Variants in MS4A6A observed in about 807,000 individuals in gnomAD.
The protein encoded by MS4A6A is membrane-spanning 4-domains subfamily A member 6A.
In MS4A6A, 19 loss-of-function variants were observed where a neutral mutation model predicts 20.6. The ratio of observed to expected loss-of-function variants is 0.92; its 90% CI spans 0.64 to 1.36. MS4A6A has a LOEUF of 1.36. MS4A6A is among the 40% of genes most tolerant of loss of function. The pLI is 0.00. For missense variants in MS4A6A, 272 were observed against 261.1 expected, an observed-to-expected ratio of 1.04 and a Z score of -0.29; for synonymous variants, 108 against 105.0, an observed-to-expected ratio of 1.03 and a Z score of -0.17.
chr11:60,181,130 A>G, intron 2 of MS4A6A: 1 of 440,192 alleles, frequency 2.3e-6, no homozygotes, highest in East Asian at 7.0e-5. Flanking sequence ...CAAAAGGTGA[A>G]TATCATTTCC....
chr11:60,171,782 G>T (rs566773591), downstream of MS4A6A, among the ~76,000 whole-genome samples: 1 of 152,248 alleles, frequency 6.6e-6, no homozygotes, highest in South Asian at 2.1e-4. Context: ...CAATTAAGGG[G>T]TACAATAAAA....
rs374502941 is a variant in MS4A6A, at chr11:60,173,000, G to A, written c.*1C>T. On this transcript the variant is annotated 3_prime_UTR_variant, in exon 6 of 6. Transcript: ENST00000528851. ...GCAGGGATAAGATACACTAGGCAAG[G>A]TTAAGTGAAGCCGGCCAGCACACTC... 75 of 1,613,964 alleles carry A rather than the reference G, an allele frequency of 4.6e-5. No homozygotes were observed. Among genetic ancestry groups the A allele is most frequent in the South Asian group, 4.4e-4 (40 of 91,084 alleles).
intron 2 of MS4A6A, chr11:60,181,273 C>T (rs561687635): frequency 2.4e-6 from 1 of 422,142 alleles, no homozygotes; most frequent in African/African-American, 2.0e-5. Context: ...TACACATACA[C>T]ACAATATGTC....
chr11:60,179,369 C>A, intron 3 of MS4A6A: 1 of 326,502 alleles, frequency 3.1e-6, no homozygotes, highest in South Asian at 3.9e-5. Context: ...TCAGTCAATG[C>A]AGTAAAAGTA....
upstream of MS4A6A, chr11:60,183,623 G>C (rs1425965266): frequency 1.3e-5 from 2 of 152,638 alleles, no homozygotes; most frequent in Non-Finnish European, 2.9e-5. Context: ...TATATATATA[G>C]TTTGTTTGTT....
In MS4A6A at chr11:60,172,929, G is replaced by C. The variant is rs527768680; in HGVS notation, c.*72C>G. On this transcript the variant is annotated 3_prime_UTR_variant, in exon 6 of 6. Transcript: ENST00000528851. Reference sequence around the variant, plus strand: ...GCCCTCCCATGTGTATCTCATGACTGACTGATTGTTCCTTCTACCACTCTT... The same window carrying C: ...GCCCTCCCATGTGTATCTCATGACTCACTGATTGTTCCTTCTACCACTCTT... 135 of 1,599,712 alleles carry C rather than the reference G, an allele frequency of 8.4e-5. No individual in the cohort carries two copies. The African/African-American group carries it at 1.7e-3, about 20-fold the overall frequency.
chr11:60,180,164 T>A, intron 2 of MS4A6A, 199 bp from the exon 3 acceptor site: 2 of 604,490 alleles, frequency 3.3e-6, no homozygotes, highest in Non-Finnish European at 5.7e-6. Context: ...AGCCACAGTC[T>A]CAGGTGTCTG....
chr11:60,176,124 C>T (rs1299959711), intron 4 of MS4A6A, among the ~76,000 whole-genome samples: 1 of 152,168 alleles, frequency 6.6e-6, no homozygotes, highest in Non-Finnish European at 1.5e-5. Context: ...CTCTCGCCTG[C>T]CCATTGCTTC....
At chr11:60,178,908 T>C in intron 3 of MS4A6A, 1 of 391,738 alleles carries the variant, frequency 2.6e-6, no homozygotes, top group Non-Finnish European at 4.9e-6. Flanking sequence ...TACCCAAAAC[T>C]ATCAAAGTTC....
rs780314709 is a variant in MS4A6A, at chr11:60,173,023, C to T, written c.656G>A (p.Ser219Asn). ...KQAYSDFPGVSVLAGFT is the reference protein window; with the variant it reads ...KQAYSDFPGVNVLAGFT ...AGGTTAAGTGAAGCCGGCCAGCACACTCACCCCAGGGAAGTCAGAGTAAGC... is the reference window on the plus strand; with the variant it reads ...AGGTTAAGTGAAGCCGGCCAGCACATTCACCCCAGGGAAGTCAGAGTAAGC... The change falls in exon 6 of 6, where the codon AGT (serine) becomes AAT (asparagine). Residue 219 changes from serine to asparagine, a missense_variant. Physicochemically the swap from Ser to Asn is conservative, Grantham distance 46. Transcript: ENST00000528851. 14 of 1,613,982 alleles carry T rather than the reference C, an allele frequency of 8.7e-6. No individual in the cohort carries two copies. The highest frequency in any genetic ancestry group is 2.2e-5 in the South Asian group (2 of 91,086).
At chr11:60,175,653 A>G in intron 4 of MS4A6A, 42 bp from the exon 5 acceptor site, 1 of 1,589,428 alleles carries the variant, frequency 6.3e-7, no homozygotes, top group Non-Finnish European at 8.6e-7. Flanking sequence ...CTAATGACTC[A>G]TGAATCTGTT....
At chr11:60,174,447 T>C (rs1464162796) in intron 5 of MS4A6A, among the ~76,000 whole-genome samples, 2 of 151,714 alleles carry the variant, frequency 1.3e-5, no homozygotes, top group East Asian at 3.9e-4. Context: ...CGCCTCAGCC[T>C]CCCAAGTAGC....
At position 60,172,933 on chromosome 11, in the gene MS4A6A, G is replaced by C; in HGVS notation, c.*68C>G. On this transcript the variant is annotated 3_prime_UTR_variant, in exon 6 of 6. Coordinates refer to ENST00000528851, the MANE Select transcript of MS4A6A (RefSeq NM_022349.4). Reference sequence around the variant, plus strand: ...TCCCATGTGTATCTCATGACTGACTGATTGTTCCTTCTACCACTCTTGGTG... The same window carrying C: ...TCCCATGTGTATCTCATGACTGACTCATTGTTCCTTCTACCACTCTTGGTG... 1.2e-6 allele frequency: 2 copies of C among 1,601,756 alleles called. No individual in the cohort carries two copies. Among genetic ancestry groups the C allele is most frequent in the South Asian group, 2.2e-5 (2 of 90,196 alleles).
At chr11:60,178,063 A>T in intron 4 of MS4A6A, 197 bp downstream of exon 4, 2 of 582,956 alleles carry the variant, frequency 3.4e-6, no homozygotes, top group Non-Finnish European at 6.0e-6. Flanking sequence ...GCAGACTTTG[A>T]TGTAGGGTAC....
Position 60,174,103 on chromosome 11 carries a change from T to A in MS4A6A, c.550-974A>T, listed in dbSNP as rs973436761. Among the ~76,000 whole-genome samples, 14 of 152,356 alleles carry A rather than the reference T, an allele frequency of 9.2e-5. No homozygotes were observed. In the East Asian group the frequency reaches 2.1e-3, roughly 23 times the overall value. ...CTTCAGAATTTTTCCCAAGGTGGAATTGGCTGTGCCAGGTATTAATCTGTG... is the reference window on the plus strand; with the variant it reads ...CTTCAGAATTTTTCCCAAGGTGGAAATGGCTGTGCCAGGTATTAATCTGTG... On this transcript the variant is annotated intron_variant, in intron 5 of 5. Transcript: ENST00000528851.
At chr11:60,183,705 G>GC (rs2083847460), upstream of MS4A6A, 1 of 152,354 alleles carries the variant, frequency 6.6e-6, no homozygotes, top group African/African-American at 2.4e-5. Flanking sequence ...AATACTGATT[G>GC]CCCAACTGCT....
chr11:60,173,889 C>T (rs912540770), intron 5 of MS4A6A, among the ~76,000 whole-genome samples: 6 of 152,130 alleles, frequency 3.9e-5, no homozygotes, highest in Admixed American at 2.0e-4. Context: ...TGATAATAAA[C>T]GGAAATAATT....
intron 3 of MS4A6A, chr11:60,179,426 C>G (rs1044717552): frequency 2.0e-6 from 1 of 489,500 alleles, no homozygotes; most frequent in Non-Finnish European, 3.6e-6. Flanking sequence ...CCATGATCCC[C>G]ACAAGCATGG....
At chr11:60,180,023 T>C in intron 2 of MS4A6A, 58 bp from the exon 3 acceptor site, 1 of 1,554,728 alleles carries the variant, frequency 6.4e-7, no homozygotes, top group Non-Finnish European at 8.8e-7. Context: ...AGACAGGGCC[T>C]TTTTGCCGCT....
Sources: gnomAD v4.1 joint callset for allele counts (sites outside exome capture counted in the v4.1 genomes callset) on GRCh38, gnomAD v4.1.1 for gene constraint, MANE v1.5 for transcripts, NCBI Gene and HGNC (gene_info 2026-07-23, HGNC 2026-07-21) for gene names.